The following KIF7 variants were observed in gnomAD, a reference collection of about 807,000 sequenced individuals.
KIF7 encodes the protein kinesin family member 7.
KIF7 carries 104 observed loss-of-function variants against 135.7 expected under a neutral mutation model. That is an observed-to-expected ratio of 0.77 (90% CI 0.65 to 0.90). KIF7 has a LOEUF of 0.90. Among genes scored for constraint, KIF7 ranks in the 40% least tolerant of loss-of-function variants. The probability of loss-of-function intolerance (pLI) is 0.00; values close to 1 mark genes in which losing one functional copy is unlikely to be tolerated. For missense variants in KIF7, 2,005 were observed against 1,839.1 expected (o/e 1.09, Z -1.65); for synonymous variants, 883 against 809.4 (o/e 1.09, Z -1.54).
intron 9 of KIF7, 63 bp from the exon 10 acceptor site, chr15:89,645,228 AG>A: frequency 6.2e-7 from 1 of 1,604,416 alleles, no homozygotes; most frequent in East Asian, 2.2e-5. Flanking sequence ...AGAGGAGTGG[AG>A]AGCAGGGGCT....
chr15:89,629,899 T>C, intron 16 of KIF7: 1 of 522,456 alleles, frequency 1.9e-6, no homozygotes, highest in South Asian at 2.3e-5. Flanking sequence ...CAGATAATTC[T>C]TGGTTGTGGG....
At chr15:89,655,101 T>C (rs1035836632) in intron 1 of KIF7, among the ~76,000 whole-genome samples, 5 of 152,206 alleles carry the variant, frequency 3.3e-5, no homozygotes, top group East Asian at 3.9e-4. Flanking sequence ...TCCATGAAAG[T>C]TGGAAGAAGT....
the KIF7 span, among the ~76,000 whole-genome samples, chr15:89,661,981 C>T: frequency 1.1e-3 from 172 of 152,270 alleles, no homozygotes; most frequent in Non-Finnish European, 3.2e-4. Context: ...GATCCGCCAG[C>T]CTTGGCCTCC....
chr15:89,660,726 C>A, the KIF7 span, among the ~76,000 whole-genome samples: 1 of 152,216 alleles, frequency 6.6e-6, no homozygotes, highest in East Asian at 1.9e-4. Context: ...CTTTCCCCTT[C>A]CACTAGGGGA....
At chr15:89,630,556 G>T in intron 15 of KIF7, 63 bp from the exon 16 acceptor site, 1 of 1,367,906 alleles carries the variant, frequency 7.3e-7, no homozygotes, top group Non-Finnish European at 1.0e-6. Context: ...GTCCTGGGCA[G>T]ACATGCAACA....
downstream of KIF7, chr15:89,624,113 A>G: frequency 1.2e-6 from 2 of 1,613,944 alleles, no homozygotes; most frequent in Non-Finnish European, 1.7e-6. Flanking sequence ...ACACACCAAC[A>G]GCCCCATGTC....
At chr15:89,659,962 C>T (rs982654251), upstream of KIF7, among the ~76,000 whole-genome samples, 2 of 152,158 alleles carry the variant, frequency 1.3e-5, no homozygotes, top group Admixed American at 1.3e-4. Flanking sequence ...TTCGGGGGAC[C>T]GAGGTGGGTG....
At position 89,631,581 on chromosome 15, in the gene KIF7, T is replaced by C; in HGVS notation, c.3025A>G (p.Ser1009Gly). ...SQQQIRGEID[S>G]LRQEKDSLLK... is the part of the protein sequence containing the mutation. ...AGCGAGTCCTTCTCCTGGCGCAGGC[T>C]GTCGATCTCCCCGCGGATCTGCTGC... Residue 1009 changes from serine to glycine, a missense_variant, in exon 15 of 19, where the codon AGC (serine) becomes GGC (glycine). Transcript: ENST00000394412. The C allele has an allele frequency of 6.4e-7, 1 of 1,567,312 alleles. No homozygotes were observed. Among genetic ancestry groups the C allele is most frequent in the African/African-American group, 1.4e-5 (1 of 73,838 alleles).
At position 89,642,401 on chromosome 15, in the gene KIF7, C is replaced by T. The variant is rs747991488; in HGVS notation, c.2196G>A (p.Lys732=). Residue 732 remains lysine, a synonymous_variant, in exon 11 of 19, where the codon AAG becomes AAA. Coordinates refer to ENST00000394412, the MANE Select transcript of KIF7 (RefSeq NM_198525.3). The part of the protein sequence containing the change: ...ELIGELVRTG[K]AAQALNRQHS... ...GCTGGCGGTTCAGGGCCTGAGCTGCCTTTCCTGGAAGAAAGCGGGAATGTC... is the reference window on the plus strand; with the variant it reads ...GCTGGCGGTTCAGGGCCTGAGCTGCTTTTCCTGGAAGAAAGCGGGAATGTC... 3 of 1,598,754 alleles carry T rather than the reference C, an allele frequency of 1.9e-6. No individual in the cohort carries two copies. Among genetic ancestry groups the T allele is most frequent in the Admixed American group, 1.7e-5 (1 of 58,644 alleles).
chr15:89,625,346 CA>C (rs747939127), downstream of KIF7: 3 of 1,614,066 alleles, frequency 1.9e-6, no homozygotes, highest in Admixed American at 5.0e-5. Flanking sequence ...AAGACAACTC[CA>C]GACATAATTA....
chr15:89,621,385 A>G, intron 1 of KIF7: 2 of 1,588,978 alleles, frequency 1.3e-6, no homozygotes, highest in Non-Finnish European at 1.7e-6. Context: ...GCTGTTTTTG[A>G]CTTGCAGACC....
chr15:89,617,326 T>C (rs1963350878), intron 2 of KIF7, among the ~76,000 whole-genome samples: 1 of 152,218 alleles, frequency 6.6e-6, no homozygotes, highest in East Asian at 1.9e-4. Flanking sequence ...CATATATATT[T>C]TTAATTAAAT....
chr15:89,661,263 G>A, the KIF7 span, among the ~76,000 whole-genome samples: 1 of 152,118 alleles, frequency 6.6e-6, no homozygotes, highest in Non-Finnish European at 1.5e-5. Context: ...GAAAACAAAT[G>A]AAGCTCAGAA....
At chr15:89,655,487 C>T (rs1338982755), upstream of KIF7, 1 of 152,098 alleles carries the variant, frequency 6.6e-6, no homozygotes, top group Non-Finnish European at 1.5e-5. Flanking sequence ...GGGACCCCCG[C>T]CCCCCAAACC....
intron 11 of KIF7, among the ~76,000 whole-genome samples, chr15:89,638,646 G>T (rs1020613570): frequency 3.3e-5 from 5 of 150,982 alleles, no homozygotes; most frequent in African/African-American, 1.2e-4. Flanking sequence ...AATAAAAGAG[G>T]ATACAAACAA....
intron 5 of KIF7, 114 bp from the exon 6 acceptor site, chr15:89,647,826 T>A: frequency 1.1e-6 from 1 of 875,380 alleles, no homozygotes; most frequent in Non-Finnish European, 1.7e-6. Flanking sequence ...CTACCTGCAG[T>A]GGGAACTCCA....
At chr15:89,641,200 A>C (rs1437055908) in intron 11 of KIF7, among the ~76,000 whole-genome samples, 1 of 151,968 alleles carries the variant, frequency 6.6e-6, no homozygotes, top group African/African-American at 2.4e-5. Context: ...GGTCCTCATG[A>C]CAAGAGGAAG....
At chr15:89,631,813 G>A in intron 14 of KIF7, 103 bp from the exon 15 acceptor site, 2 of 975,104 alleles carry the variant, frequency 2.1e-6, no homozygotes, top group African/African-American at 1.6e-5. Context: ...CTTCCCTCAA[G>A]AAACCAACAC....
chr15:89,657,158 T>C (rs901538176), upstream of KIF7, among the ~76,000 whole-genome samples: 8 of 151,778 alleles, frequency 5.3e-5, no homozygotes, highest in Admixed American at 5.3e-4. Context: ...ATGCAAAACA[T>C]AGGCAGGCGT....
Sources: allele counts gnomAD v4.1 joint callset (sites outside exome capture counted in the v4.1 genomes callset), GRCh38; gene constraint gnomAD v4.1.1; transcripts MANE v1.5; gene names NCBI Gene and HGNC (gene_info 2026-07-23, HGNC 2026-07-21).